Variants in MLPH observed in about 807,000 individuals in gnomAD.
The protein encoded by MLPH is exophilin-3.
Under a neutral mutation model 72.1 loss-of-function variants are expected in MLPH, and 51 were observed. The ratio of observed to expected loss-of-function variants is 0.71; its 90% CI spans 0.56 to 0.89. The LOEUF (loss-of-function observed/expected upper bound fraction) is 0.89. Ranked by LOEUF, MLPH falls within the 40% of genes least tolerant of loss-of-function variation. The pLI is 0.00. For synonymous variants in MLPH, 301 were observed against 310.1 expected, an observed-to-expected ratio of 0.97 and a Z score of 0.31; for missense variants, 743 against 759.9, an observed-to-expected ratio of 0.98 and a Z score of 0.26.
intron 8 of MLPH, among the ~76,000 whole-genome samples, chr2:237,528,993 T>C (rs2106347510): frequency 6.6e-6 from 1 of 152,344 alleles, no homozygotes; most frequent in South Asian, 2.1e-4. Flanking sequence ...TTATATATTT[T>C]ACAAGAGGAG....
At position 237,512,583 on chromosome 2, in the gene MLPH, T is replaced by G. The variant is rs1288614095; in HGVS notation, c.445+1482T>G. Among the ~76,000 whole-genome samples the G allele has an allele frequency of 6.6e-6, 1 of 152,080 alleles. No individual in the cohort carries two copies. Among genetic ancestry groups the G allele is most frequent in the Non-Finnish European group, 1.5e-5 (1 of 68,000 alleles). The stretch of plus-strand genomic sequence containing the variant: ...CACCCTATTCTTGGGGGCTGCTTCT[T>G]CACAGTGATCATGAAGCCTAGCAGC... On this transcript the variant is annotated intron_variant, in intron 4 of 15. Coordinates refer to ENST00000264605, the MANE Select transcript of MLPH (RefSeq NM_024101.7). This position sits in a 1 kb window ranked among gnomAD's most constrained non-coding sequence, Gnocchi z 5.5.
At chr2:237,527,268 C>T in intron 7 of MLPH, 109 bp from the exon 8 acceptor site, 1 of 1,380,964 alleles carries the variant, frequency 7.2e-7, no homozygotes, top group Non-Finnish European at 1.0e-6. Flanking sequence ...ACATGAACAT[C>T]CTTATGTCTT....
intron 5 of MLPH, 75 bp downstream of exon 5, chr2:237,518,723 C>T (rs2080108856): frequency 1.7e-6 from 2 of 1,170,080 alleles, no homozygotes; most frequent in Non-Finnish European, 2.5e-6. Flanking sequence ...GTTCTGATTT[C>T]CTGAAAACCT....
At chr2:237,545,870 T>C in intron 12 of MLPH, 1 of 196,898 alleles carries the variant, frequency 5.1e-6, no homozygotes, top group Non-Finnish European at 1.0e-5. Flanking sequence ...CTAAAAAAAT[T>C]AGCTGTCGAT....
At chr2:237,532,645 T>C (rs2080445085) in intron 8 of MLPH, among the ~76,000 whole-genome samples, 1 of 152,212 alleles carries the variant, frequency 6.6e-6, no homozygotes, top group Non-Finnish European at 1.5e-5. Flanking sequence ...AGTTGAAAGC[T>C]CAAGGGGTTC....
chr2:237,516,898 AGGATGGATGGATGGTAGGATGGAT>A (rs1392810196), intron 4 of MLPH, among the ~76,000 whole-genome samples: 8 of 101,192 alleles, frequency 7.9e-5, no homozygotes, highest in Non-Finnish European at 1.5e-4. Flanking sequence ...GATGGATGGT[AGGATGGATGGATGGTAGGATGGAT>A]GGATGGATGG....
intron 9 of MLPH, among the ~76,000 whole-genome samples, chr2:237,538,528 A>G (rs529435128): frequency 2.6e-5 from 4 of 152,318 alleles, no homozygotes; most frequent in South Asian, 2.1e-4. Context: ...GCAGCAGTCC[A>G]TGCTGGCGGC....
chr2:237,535,919 C>T (rs1559366475), intron 9 of MLPH, among the ~76,000 whole-genome samples: 1 of 152,182 alleles, frequency 6.6e-6, no homozygotes, highest in African/African-American at 2.4e-5. Context: ...TCTCTGGCAC[C>T]ACTCGGTCTT....
In MLPH at chr2:237,511,050, T is replaced by G. The variant is rs751237700; in HGVS notation, c.394T>G (p.Phe132Val). The G allele has an allele frequency of 1.9e-6, 3 of 1,613,904 alleles. No homozygotes were observed. The highest frequency in any genetic ancestry group is 1.7e-6 in the Non-Finnish European group (2 of 1,179,964). Reference protein sequence around the residue: ...YEHVKARFKRFGSAKVIRSLH... With the variant: ...YEHVKARFKRVGSAKVIRSLH... ...GCATGTGAAAGCCCGCTTCAAGAGG[T>G]TCGGAAGTGCCAAGGTCATCCGGTC... is the stretch of plus-strand genomic sequence containing the variant. The change falls in exon 4 of 16, where the codon TTC becomes GTC. Residue 132 changes from phenylalanine to valine, a missense_variant. Coordinates refer to ENST00000264605, the MANE Select transcript of MLPH (RefSeq NM_024101.7).
At chr2:237,524,392 C>A (rs1198979744) in intron 6 of MLPH, among the ~76,000 whole-genome samples, 1 of 150,896 alleles carries the variant, frequency 6.6e-6, no homozygotes, top group East Asian at 1.9e-4. Context: ...AGCTGAGGAG[C>A]AGGGAGAGCC....
chr2:237,550,143 C>A (rs138848027), intron 14 of MLPH, among the ~76,000 whole-genome samples: 202 of 152,336 alleles, frequency 1.3e-3, no homozygotes, highest in African/African-American at 4.5e-3. Context: ...CTTGCCTCCA[C>A]GCCTGGGTGT....
chr2:237,527,441 T>C lies in MLPH; in HGVS notation c.945T>C (p.Asp315=). The change falls in exon 8 of 16, where the codon GAT becomes GAC. Residue 315 remains aspartate (D), a synonymous_variant. Transcript: ENST00000264605. ...LQYLADVDTS[D]EESIRAHVMA... ...ACTTGGCCGATGTGGACACCTCTGA[T>C]GAGGAAAGCATCCGGGCTCACGTGA... 2.5e-6 allele frequency: 4 copies of C among 1,614,158 alleles called. No individual in the cohort carries two copies. The highest frequency in any genetic ancestry group is 3.4e-6 in the Non-Finnish European group (4 of 1,180,032).
intron 7 of MLPH, 93 bp downstream of exon 7, chr2:237,525,898 A>C: frequency 1.6e-6 from 2 of 1,248,486 alleles, no homozygotes; most frequent in Non-Finnish European, 2.3e-6. Flanking sequence ...TATCCAACAC[A>C]CGGGCTGATT....
Position 237,549,250 on chromosome 2 carries a change from A to G in MLPH, c.1647A>G (p.Arg549=). The G allele has an allele frequency of 6.2e-7, 1 of 1,614,202 alleles. No individual in the cohort carries two copies. Among genetic ancestry groups the G allele is most frequent in the Non-Finnish European group, 8.5e-7 (1 of 1,180,026 alleles). Residue 549 remains arginine (R), a synonymous_variant, in exon 14 of 16, where the codon AGA becomes AGG. Coordinates refer to ENST00000264605, the MANE Select transcript of MLPH (RefSeq NM_024101.7). ...TGGCTGTGCCCTATCTTCTGAGAAG[A>G]AAGTTCAGTAATTCCCTGAAAAGTC... is the stretch of plus-strand genomic sequence containing the variant. ...KAMAVPYLLR[R]KFSNSLKSQG...
chr2:237,508,449 G>C (rs1448542044), intron 2 of MLPH, among the ~76,000 whole-genome samples: 1 of 152,118 alleles, frequency 6.6e-6, no homozygotes, highest in Non-Finnish European at 1.5e-5. Flanking sequence ...GACTGTCAGA[G>C]CAGTTGGGCC....
chr2:237,553,754 C>G lies in MLPH; in HGVS notation c.*162C>G. ...TGGACTCCCACCTGCAAGTGGACAG[C>G]GACATTCAGTCCTGCACTGCTCACC... On this transcript the variant is annotated 3_prime_UTR_variant, in exon 16 of 16. Coordinates refer to ENST00000264605, the MANE Select transcript of MLPH (RefSeq NM_024101.7). The G allele has an allele frequency of 1.0e-6, 1 of 953,642 alleles. No individual in the cohort carries two copies. Among genetic ancestry groups the G allele is most frequent in the Non-Finnish European group, 1.7e-6 (1 of 579,320 alleles). The allele number at this position is 953,642 out of a possible 1,614,324, so 59.1% of individuals were successfully genotyped here. A position where few individuals can be genotyped will look rare whatever the true frequency, so the allele number is the denominator to read the frequency against.
rs980819940 is a variant in MLPH at position 237,540,919 on chromosome 2, G to A, written c.1408G>A (p.Ala470Thr). 1.9e-6 allele frequency: 3 copies of A among 1,610,550 alleles called. No individual in the cohort carries two copies. Among genetic ancestry groups the A allele is most frequent in the African/African-American group, 2.7e-5 (2 of 74,874 alleles). ...GCTGTCAGAGCTGGAGGACAGAGTGGCAGTGACGGCCTCAGAAGTCCAGCA... is the reference window on the plus strand; with the variant it reads ...GCTGTCAGAGCTGGAGGACAGAGTGACAGTGACGGCCTCAGAAGTCCAGCA... ...EELSELEDRV[A>T]VTASEVQQAE... Residue 470 changes from alanine (A) to threonine (T), a missense_variant, in exon 11 of 16, where the codon GCA becomes ACA. By Grantham distance (58) the Ala-to-Thr change is moderately conservative. Transcript: ENST00000264605.
chr2:237,524,996 G>A (rs1003555704), intron 6 of MLPH, among the ~76,000 whole-genome samples: 5 of 152,278 alleles, frequency 3.3e-5, no homozygotes, highest in Admixed American at 1.3e-4. Context: ...TCCTAAGTGC[G>A]CATTTCCTCT....
At chr2:237,542,462 T>G (rs563404332) in intron 11 of MLPH, 105 bp from the exon 12 acceptor site, 1 of 878,308 alleles carries the variant, frequency 1.1e-6, no homozygotes, top group East Asian at 2.7e-5. Flanking sequence ...CAAGTAAAAT[T>G]GGCTCCAGGA....
Sources: gnomAD v4.1 joint callset for allele counts (sites outside exome capture counted in the v4.1 genomes callset) on GRCh38, gnomAD v4.1.1 for gene constraint, Gnocchi (gnomAD v3.1) non-coding constraint, MANE v1.5 for transcripts, NCBI Gene and HGNC (gene_info 2026-07-23, HGNC 2026-07-21) for gene names.